Variants in AHI1 observed in about 807,000 individuals in gnomAD.
AHI1 encodes the protein jouberin.
Under a neutral mutation model 149.3 loss-of-function variants are expected in AHI1, and 123 were observed. That is an observed-to-expected ratio of 0.82 (90% CI 0.71 to 0.96). The LOEUF (loss-of-function observed/expected upper bound fraction) is 0.96. Ranked by LOEUF, AHI1 falls within the 40% of genes least tolerant of loss-of-function variation. The pLI, the probability that AHI1 is intolerant of heterozygous loss-of-function variation, is 0.00. For synonymous variants in AHI1, 475 were observed against 459.8 expected (o/e 1.03, Z -0.42); for missense variants, 1,439 against 1,422.7 (o/e 1.01, Z -0.18).
At position 135,411,552 on chromosome 6, in the gene AHI1, A is replaced by C; in HGVS notation, c.2765-8T>G. ...CAGCCTCCTGCTGGGCAACTGAAGAAATGAATCCATAATTAGTTAAATCAT... is the reference window on the plus strand; with the variant it reads ...CAGCCTCCTGCTGGGCAACTGAAGACATGAATCCATAATTAGTTAAATCAT... On this transcript the variant is annotated splice_polypyrimidine_tract_variant and splice_region_variant and intron_variant, in intron 20 of 28. Coordinates refer to ENST00000265602, the MANE Select transcript of AHI1 (RefSeq NM_001134831.2). 7.7e-6 allele frequency: 12 copies of C among 1,553,924 alleles called. No individual in the cohort carries two copies. Among genetic ancestry groups the C allele is most frequent in the African/African-American group, 1.4e-5 (1 of 73,108 alleles).
chr6:135,336,746 C>T (rs1789452677), intron 24 of AHI1, among the ~76,000 whole-genome samples: 1 of 152,172 alleles, frequency 6.6e-6, no homozygotes, highest in African/African-American at 2.4e-5. Context: ...CATTGATGTT[C>T]ATTTACTGTT....
chr6:135,322,288 T>C (rs935828266), intron 25 of AHI1, among the ~76,000 whole-genome samples: 1 of 152,234 alleles, frequency 6.6e-6, no homozygotes, highest in Admixed American at 6.5e-5. Flanking sequence ...TAGCATGCTA[T>C]CAAGTTAATT....
At chr6:135,395,570 T>C (rs953835494) in intron 22 of AHI1, among the ~76,000 whole-genome samples, 1 of 151,946 alleles carries the variant, frequency 6.6e-6, no homozygotes, top group African/African-American at 2.4e-5. Context: ...ATTTTAACTA[T>C]AGCTCTTGTA....
chr6:135,297,321 C>G (rs974490605), intron 27 of AHI1: 18 of 399,388 alleles, frequency 4.5e-5, no homozygotes, highest in Non-Finnish European at 9.0e-5. Context: ...ATCAGTCAGT[C>G]TCCTCCCACT....
rs56734547 is a variant in AHI1 at position 135,294,698 on chromosome 6, C to CAAA, written c.3486-4176_3486-4174dup. Among the ~76,000 whole-genome samples the CAAA allele has an allele frequency of 8.5e-3, 575 of 68,002 alleles. 6 individuals carry two copies. The highest frequency in any genetic ancestry group is 0.046 in the South Asian group (70 of 1,524). The allele number at this position is 68,002 out of a possible 152,430, so 44.6% of individuals were successfully genotyped here. On this transcript the variant is annotated intron_variant, in intron 27 of 28. Transcript: ENST00000265602. ...GCTAGAACAACAGGATCTCCAAATGCAAAAAAAAAAAAAAAAAAAGAAAAA... is the reference window on the plus strand; with the variant it reads ...GCTAGAACAACAGGATCTCCAAATGCAAAAAAAAAAAAAAAAAAAAAAGAAAAA...
intron 10 of AHI1, among the ~76,000 whole-genome samples, chr6:135,454,794 A>G (rs1301075047): frequency 6.6e-6 from 1 of 152,230 alleles, no homozygotes; most frequent in Admixed American, 6.5e-5. Context: ...AAAATTCCTT[A>G]AGATACAAAT....
At chr6:135,341,506 T>C (rs1042867510) in intron 24 of AHI1, among the ~76,000 whole-genome samples, 1 of 152,036 alleles carries the variant, frequency 6.6e-6, no homozygotes, top group South Asian at 2.1e-4. Context: ...TATAGGATGC[T>C]TCACTTAACA....
chr6:135,409,593 T>C (rs1267764880), intron 21 of AHI1, among the ~76,000 whole-genome samples: 1 of 152,208 alleles, frequency 6.6e-6, no homozygotes, highest in Admixed American at 6.5e-5. Context: ...TCTATCTTAG[T>C]GAATTTCAAT....
chr6:135,468,128 T>A (rs1019822675), intron 5 of AHI1, among the ~76,000 whole-genome samples: 5 of 152,154 alleles, frequency 3.3e-5, no homozygotes, highest in Non-Finnish European at 5.9e-5. Context: ...TTTTACCAAC[T>A]CTAAGACTCT....
chr6:135,367,680 A>G (rs1324596175), intron 23 of AHI1, among the ~76,000 whole-genome samples: 2 of 151,748 alleles, frequency 1.3e-5, no homozygotes, highest in Non-Finnish European at 1.5e-5. Flanking sequence ...ATTTCCCTAA[A>G]TGTGTCCTTC....
intron 24 of AHI1, among the ~76,000 whole-genome samples, chr6:135,335,469 G>T (rs902752271): frequency 2.0e-5 from 3 of 151,352 alleles, no homozygotes; most frequent in Non-Finnish European, 2.9e-5. Flanking sequence ...CACTCTCAGA[G>T]AGCTTCCATT....
At chr6:135,335,810 T>C (rs1789283896) in intron 24 of AHI1, among the ~76,000 whole-genome samples, 2 of 152,190 alleles carry the variant, frequency 1.3e-5, no homozygotes, top group Admixed American at 6.5e-5. Flanking sequence ...TACAGTTTCA[T>C]TAGTTATAAA....
At chr6:135,462,093 C>T (rs1789990312) in intron 8 of AHI1, among the ~76,000 whole-genome samples, 1 of 151,936 alleles carries the variant, frequency 6.6e-6, no homozygotes, top group African/African-American at 2.4e-5. Flanking sequence ...AACAAGTATA[C>T]TGCTTAGTGC....
intron 26 of AHI1, among the ~76,000 whole-genome samples, chr6:135,317,373 C>T (rs1223133771): frequency 6.6e-6 from 1 of 151,212 alleles, no homozygotes; most frequent in Non-Finnish European, 1.5e-5. Context: ...TATGCCCAGA[C>T]ATAATCATAC....
intron 23 of AHI1, among the ~76,000 whole-genome samples, chr6:135,382,973 A>T (rs1402530490): frequency 7.5e-5 from 10 of 133,254 alleles, no homozygotes; most frequent in African/African-American, 2.8e-4. Context: ...AATAATAATA[A>T]TTTTTTAAAA....
In AHI1 at chr6:135,407,183, T is replaced by C. The variant is rs1398834335; in HGVS notation, c.2962-2206A>G. On this transcript the variant is annotated intron_variant, in intron 21 of 28. Transcript: ENST00000265602. The stretch of plus-strand genomic sequence containing the variant: ...TATTATATACCTGCTGAACTGAATT[T>C]ATTATGCAATTCACTCACACATACC... Among the ~76,000 whole-genome samples, 3 of 152,204 alleles carry C rather than the reference T, an allele frequency of 2.0e-5. No homozygotes were observed. In the East Asian group the frequency reaches 5.8e-4, roughly 29 times the overall value.
intron 21 of AHI1, among the ~76,000 whole-genome samples, chr6:135,406,488 A>C (rs763366002): frequency 2.1e-4 from 32 of 152,206 alleles, no homozygotes; most frequent in Non-Finnish European, 3.7e-4. Flanking sequence ...AATGGGAATA[A>C]TACTCAACCC....
At chr6:135,471,845 T>C (rs923317624) in intron 5 of AHI1, among the ~76,000 whole-genome samples, 1 of 151,294 alleles carries the variant, frequency 6.6e-6, no homozygotes, top group African/African-American at 2.4e-5. Flanking sequence ...ACCCCGTCTC[T>C]ACTAAAAATA....
intron 24 of AHI1, among the ~76,000 whole-genome samples, chr6:135,335,160 T>C (rs1167271100): frequency 6.6e-6 from 1 of 152,230 alleles, no homozygotes; most frequent in Non-Finnish European, 1.5e-5. Flanking sequence ...TTTACTTATC[T>C]TGCTTAGTTT....
Sources: allele counts gnomAD v4.1 joint callset (sites outside exome capture counted in the v4.1 genomes callset), GRCh38; gene constraint gnomAD v4.1.1; transcripts MANE v1.5; gene names NCBI Gene and HGNC (gene_info 2026-07-23, HGNC 2026-07-21).